SUDS3: variants seen among roughly 807,000 people sequenced by gnomAD.
SUDS3 encodes the protein SIN3A corepressor complex component SDS3.
A neutral mutation model predicts 53.5 loss-of-function variants in SUDS3; 23 were observed. The observed-to-expected ratio is 0.43, with a 90% confidence interval of 0.31 to 0.61. SUDS3 has a LOEUF of 0.61. SUDS3 is among the 20% of genes least tolerant of loss of function. The pLI, the probability that SUDS3 is intolerant of heterozygous loss-of-function variation, is 0.10. For synonymous variants in SUDS3, 150 were observed against 148.5 expected (o/e 1.01, Z -0.08); for missense variants, 291 against 405.9 (o/e 0.72, Z 2.43).
chr12:118,409,800 C>T (rs2046342660), intron 10 of SUDS3, among the ~76,000 whole-genome samples: 1 of 152,268 alleles, frequency 6.6e-6, no homozygotes, highest in Non-Finnish European at 1.5e-5. Context: ...CTGATACTTC[C>T]AACTCTTGTA....
intron 6 of SUDS3, among the ~76,000 whole-genome samples, chr12:118,398,742 A>G (rs1039076891): frequency 5.3e-5 from 8 of 151,934 alleles, no homozygotes; most frequent in African/African-American, 1.9e-4. Context: ...ATAATCACAA[A>G]TTAACTTCCT....
chr12:118,379,106 C>T (rs2141357646), intron 1 of SUDS3, among the ~76,000 whole-genome samples: 1 of 151,930 alleles, frequency 6.6e-6, no homozygotes, highest in Admixed American at 6.5e-5. Flanking sequence ...GCTGCCATGC[C>T]TGGCCTGGAT....
chr12:118,402,155 T>A, intron 9 of SUDS3, 151 bp downstream of exon 9: 1 of 744,964 alleles, frequency 1.3e-6, no homozygotes, highest in Non-Finnish European at 2.3e-6. Context: ...GAAGGGGACC[T>A]TAACTATACC....
At chr12:118,393,895 T>C (rs2046190685) in intron 6 of SUDS3, among the ~76,000 whole-genome samples, 1 of 152,058 alleles carries the variant, frequency 6.6e-6, no homozygotes, top group Non-Finnish European at 1.5e-5. Context: ...GGTCTTGAAC[T>C]CCTGACCTCA....
chr12:118,380,119 G>A (rs1048364989), intron 1 of SUDS3, 43 bp from the exon 2 acceptor site: 1 of 1,535,130 alleles, frequency 6.5e-7, no homozygotes, highest in Non-Finnish European at 8.9e-7. Flanking sequence ...CCAACTCCGT[G>A]AATTATGATT....
chr12:118,396,958 C>G (rs1487413993), intron 6 of SUDS3, among the ~76,000 whole-genome samples: 2 of 152,102 alleles, frequency 1.3e-5, no homozygotes, highest in African/African-American at 4.8e-5. Flanking sequence ...AGGATTTGCA[C>G]TATTAAAAGT....
Position 118,411,153 on chromosome 12 carries a change from A to T in SUDS3, c.884A>T (p.Asn295Ile). 1 of 1,590,124 alleles carries T rather than the reference A, an allele frequency of 6.3e-7. No individual in the cohort carries two copies. Among genetic ancestry groups the T allele is most frequent in the Non-Finnish European group, 8.6e-7 (1 of 1,167,866 alleles). ...TGCGTGATCAGTTCTGTAGGAGCCA[A>T]TGAGGTGGGAACCACACTCCCTCAC... ...LSCVISSVGA[N>I]EIWVRKTSDS... The change falls in exon 11 of 12, where the codon AAT becomes ATT. Residue 295 changes from asparagine to isoleucine, a missense_variant. Physicochemically the swap from Asn to Ile is moderately radical, Grantham distance 149. Transcript: ENST00000543473.
At chr12:118,410,608 A>T (rs1269721269) in intron 10 of SUDS3, among the ~76,000 whole-genome samples, 3 of 146,912 alleles carry the variant, frequency 2.0e-5, no homozygotes, top group African/African-American at 5.1e-5. Flanking sequence ...TTATTTATTT[A>T]TTTTTTGAGA....
In SUDS3 at chr12:118,389,784, T is replaced by C. The variant is rs534258289; in HGVS notation, c.341-143T>C. On this transcript the variant is annotated intron_variant, in intron 4 of 11. Coordinates refer to ENST00000543473, the MANE Select transcript of SUDS3 (RefSeq NM_022491.3). ...ACTTGTCATGTCCTTTCCCTTCGTG[T>C]ATATCAACATTTCACTGATGAAAAC... 1.8e-5 allele frequency: 17 copies of C among 959,400 alleles called. No individual in the cohort carries two copies. In the African/African-American group the frequency reaches 2.4e-4, roughly 14 times the overall value. 59.4% of individuals were successfully genotyped at this position (959,400 alleles called of 1,614,324 possible).
intron 11 of SUDS3, 59 bp downstream of exon 11, chr12:118,411,216 A>G: frequency 2.0e-6 from 3 of 1,474,148 alleles, no homozygotes; most frequent in South Asian, 1.2e-5. Context: ...AAGTGTTGGT[A>G]GGGCAAACCT....
chr12:118,393,709 C>T (rs921863418), intron 6 of SUDS3, among the ~76,000 whole-genome samples: 20 of 150,542 alleles, frequency 1.3e-4, no homozygotes, highest in East Asian at 9.8e-4. Context: ...CTTGCTCTGT[C>T]GCCCAGGCTG....
intron 10 of SUDS3, among the ~76,000 whole-genome samples, chr12:118,409,124 C>T (rs141495524): frequency 3.3e-5 from 5 of 151,702 alleles, no homozygotes; most frequent in South Asian, 2.1e-4. Context: ...AAACCATTCT[C>T]GCTGTTCTAA....
At chr12:118,410,701 A>G (rs2046351865) in intron 10 of SUDS3, among the ~76,000 whole-genome samples, 1 of 151,912 alleles carries the variant, frequency 6.6e-6, no homozygotes, top group Admixed American at 6.6e-5. Flanking sequence ...GGTTCACACC[A>G]TTCTCCTGCC....
intron 2 of SUDS3, among the ~76,000 whole-genome samples, chr12:118,381,901 A>G (rs374129210): frequency 3.3e-5 from 5 of 152,332 alleles, no homozygotes; most frequent in South Asian, 4.1e-4. Context: ...ACCTTTTAAC[A>G]GGATGATCCA....
At chr12:118,399,581 A>AG (rs2046245767) in intron 6 of SUDS3, among the ~76,000 whole-genome samples, 1 of 151,988 alleles carries the variant, frequency 6.6e-6, no homozygotes, top group South Asian at 2.1e-4. Context: ...ACTTTGAGGG[A>AG]GGGGAGGATG....
chr12:118,400,808 C>G (rs1209925590), intron 7 of SUDS3, 54 bp downstream of exon 7: 2 of 1,528,262 alleles, frequency 1.3e-6, no homozygotes, highest in African/African-American at 2.7e-5. Flanking sequence ...CTGTGGAATC[C>G]TATGTTTATC....
intron 6 of SUDS3, among the ~76,000 whole-genome samples, chr12:118,399,769 A>G (rs1468273593): frequency 6.6e-6 from 1 of 152,136 alleles, no homozygotes; most frequent in Non-Finnish European, 1.5e-5. Flanking sequence ...TGTCCCTGAG[A>G]TACAGGAAAA....
In SUDS3 at chr12:118,380,946, G is replaced by A. The variant is rs570502390; in HGVS notation, c.212+715G>A. On this transcript the variant is annotated intron_variant, in intron 2 of 11. Coordinates refer to ENST00000543473, the MANE Select transcript of SUDS3 (RefSeq NM_022491.3). ...TCTCGAACTCCTGAGCTCGTGATCC[G>A]CCCACCTTGGCCTTCCAAAGTGCTG... Among the ~76,000 whole-genome samples, 210 of 152,222 alleles carry A rather than the reference G, an allele frequency of 1.4e-3. 2 individuals carry two copies. Among genetic ancestry groups the A allele is most frequent in the Non-Finnish European group, 2.4e-3 (166 of 67,992 alleles).
intron 2 of SUDS3, among the ~76,000 whole-genome samples, chr12:118,383,642 T>A (rs1437125326): frequency 6.6e-6 from 1 of 152,234 alleles, no homozygotes; most frequent in African/African-American, 2.4e-5. Context: ...ACAATCTAAT[T>A]GTAGAGTTGA....
Sources: allele counts gnomAD v4.1 joint callset (sites outside exome capture counted in the v4.1 genomes callset), GRCh38; gene constraint gnomAD v4.1.1; transcripts MANE v1.5; gene names NCBI Gene and HGNC (gene_info 2026-07-23, HGNC 2026-07-21).